UBA2: variants seen among roughly 807,000 people sequenced by gnomAD.
UBA2 encodes ubiquitin like modifier activating enzyme 2, also known as SUMO-activating enzyme subunit 2.
In UBA2, 11 loss-of-function variants were observed where a neutral mutation model predicts 77.2. The ratio of observed to expected loss-of-function variants is 0.14; its 90% CI spans 0.09 to 0.24. The LOEUF (loss-of-function observed/expected upper bound fraction) is 0.24. UBA2 is among the 10% of genes least tolerant of loss of function. The probability of loss-of-function intolerance (pLI) is 1.00; values close to 1 mark genes in which losing one functional copy is unlikely to be tolerated. For synonymous variants in UBA2, 278 were observed against 276.7 expected, an observed-to-expected ratio of 1.00 and a Z score of -0.05; for missense variants, 487 against 781.7, an observed-to-expected ratio of 0.62 and a Z score of 4.50.
intron 10 of UBA2, 73 bp from the exon 11 acceptor site, chr19:34,454,187 A>T: frequency 7.8e-7 from 1 of 1,286,976 alleles, no homozygotes; most frequent in Admixed American, 2.0e-5. Context: ...ACGTGAAAGT[A>T]TTGTTCTGAA....
At chr19:34,443,763 TA>T in intron 6 of UBA2, 80 bp from the exon 7 acceptor site, 1 of 1,005,624 alleles carries the variant, frequency 9.9e-7, no homozygotes, top group South Asian at 1.3e-5. Flanking sequence ...TTATCTCTGC[TA>T]AATATTTGGA....
intron 5 of UBA2, among the ~76,000 whole-genome samples, chr19:34,436,589 A>G (rs568323273): frequency 2.0e-5 from 3 of 152,290 alleles, no homozygotes; most frequent in East Asian, 3.9e-4. Context: ...GTGAGCCGCC[A>G]TGCCTGGCAC....
chr19:34,451,506 T>G (rs2145538203), intron 9 of UBA2, among the ~76,000 whole-genome samples: 1 of 151,214 alleles, frequency 6.6e-6, no homozygotes, highest in Non-Finnish European at 1.5e-5. Flanking sequence ...ACTGAGGTGG[T>G]CTTGTACCTT....
At chr19:34,452,929 A>T (rs1235212711) in intron 10 of UBA2, among the ~76,000 whole-genome samples, 2 of 152,184 alleles carry the variant, frequency 1.3e-5, no homozygotes, top group Non-Finnish European at 2.9e-5. Flanking sequence ...GGGTTTTGTG[A>T]TATTTAAAGG....
At chr19:34,434,389 T>TA (rs1213524781) in intron 4 of UBA2, among the ~76,000 whole-genome samples, 1 of 152,212 alleles carries the variant, frequency 6.6e-6, no homozygotes, top group African/African-American at 2.4e-5. Flanking sequence ...ATGCTGAGAT[T>TA]ATGGGCATGA....
In UBA2 at chr19:34,469,084, G is replaced by A; in HGVS notation, c.1786G>A (p.Asp596Asn). ...TCTCATAGTTGATTCAGATGAAGAAGATTCTTCAAATAATGCCGACGTCAG... is the reference window on the plus strand; with the variant it reads ...TCTCATAGTTGATTCAGATGAAGAAAATTCTTCAAATAATGCCGACGTCAG... ...DVLIVDSDEE[D>N]SSNNADVSEE... The change falls in exon 17 of 17, where the codon GAT (aspartate) becomes AAT (asparagine). Residue 596 changes from aspartate to asparagine, a missense_variant. Asp to Asn is a conservative substitution (Grantham distance 23, BLOSUM62 1). Transcript: ENST00000246548. The A allele has an allele frequency of 6.2e-7, 1 of 1,610,938 alleles. No homozygotes were observed. Among genetic ancestry groups the A allele is most frequent in the African/African-American group, 1.3e-5 (1 of 74,786 alleles).
Position 34,444,991 on chromosome 19 carries a change from G to A in UBA2, c.650-9G>A, listed in dbSNP as rs745544916. ...TACGGTTGAAAATAAAATAATGATC[G>A]TTTTATAGGGGAACCAACGGAAGCC... On this transcript the variant is annotated splice_polypyrimidine_tract_variant and intron_variant, in intron 7 of 16. Transcript: ENST00000246548. The A allele has an allele frequency of 1.6e-5, 25 of 1,607,570 alleles. No homozygotes were observed. The highest frequency in any genetic ancestry group is 2.7e-5 in the African/African-American group (2 of 74,636).
Position 34,435,244 on chromosome 19 carries a change from A to G in UBA2, c.459+276A>G, listed in dbSNP as rs565234089. 2.0e-5 allele frequency among the ~76,000 whole-genome samples: 3 copies of G among 152,232 alleles called. No homozygotes were observed. In the South Asian group the frequency reaches 6.2e-4, roughly 32 times the overall value. On this transcript the variant is annotated intron_variant, in intron 5 of 16. Transcript: ENST00000246548. ...GAAACCCCATCTCTACTAAAAATAC[A>G]AAAATTAGCTGGACATGGTGGCCGG...
chr19:34,431,167 C>T (rs2075249036), intron 2 of UBA2, among the ~76,000 whole-genome samples: 2 of 151,670 alleles, frequency 1.3e-5, no homozygotes, highest in South Asian at 2.1e-4. Context: ...GAGTACTTTC[C>T]TAAACCTTTT....
In UBA2 at chr19:34,431,905, C is replaced by T. The variant is rs1287083801; in HGVS notation, c.267C>T (p.Ile89=). 3.7e-6 allele frequency: 6 copies of T among 1,613,746 alleles called. No individual in the cohort carries two copies. Among genetic ancestry groups the T allele is most frequent in the Admixed American group, 3.3e-5 (2 of 59,994 alleles). ...TGCAGTTTTACCCGAAAGCTAATAT[C>T]GTTGCCTACCATGACAGCATCATGA... ...SVLQFYPKAN[I]VAYHDSIMNP... Residue 89 remains isoleucine (I), a synonymous_variant, in exon 3 of 17, where the codon ATC becomes ATT. Transcript: ENST00000246548.
intron 3 of UBA2, 158 bp from the exon 4 acceptor site, chr19:34,433,190 T>C (rs1338496581): frequency 9.2e-6 from 5 of 543,024 alleles, no homozygotes; most frequent in East Asian, 3.1e-5. Context: ...AATCTGCTTA[T>C]GTTTGGAAAG....
chr19:34,456,095 C>CTTT (rs1393766434), intron 12 of UBA2, among the ~76,000 whole-genome samples: 1 of 69,624 alleles, frequency 1.4e-5, no homozygotes, highest in Non-Finnish European at 2.6e-5. Flanking sequence ...TCTTTTTTTC[C>CTTT]TTTTCTTTTT....
At chr19:34,445,150 A>T (rs2075414289) in intron 8 of UBA2, 29 bp downstream of exon 8, 1 of 1,598,616 alleles carries the variant, frequency 6.3e-7, no homozygotes, top group Non-Finnish European at 8.5e-7. Flanking sequence ...ATAATCATGG[A>T]TAGATGTATT....
intron 9 of UBA2, 42 bp downstream of exon 9, chr19:34,450,406 T>C: frequency 2.1e-6 from 3 of 1,400,118 alleles, no homozygotes; most frequent in Non-Finnish European, 3.0e-6. Context: ...AAGCTGGAAA[T>C]ATCCTCGCGT....
chr19:34,460,511 A>G lies in UBA2; in HGVS notation c.1443A>G (p.Gln481=). ...EKFAMVAPDV[Q]IEDGKGTILI... The stretch of plus-strand genomic sequence containing the variant: ...TTGCTATGGTAGCACCAGATGTCCA[A>G]ATTGAAGATGGGAAAGGAACAATCC... The change falls in exon 14 of 17, where the codon CAA becomes CAG. Residue 481 remains glutamine (Q), a synonymous_variant. Coordinates refer to ENST00000246548, the MANE Select transcript of UBA2 (RefSeq NM_005499.3). 6.2e-7 allele frequency: 1 copy of G among 1,611,726 alleles called. No homozygotes were observed. Among genetic ancestry groups the G allele is most frequent in the Non-Finnish European group, 8.5e-7 (1 of 1,179,062 alleles).
intron 14 of UBA2, among the ~76,000 whole-genome samples, chr19:34,461,416 ATGTGTAATTGGAGGCCATG>A (rs2075630116): frequency 6.6e-6 from 1 of 152,170 alleles, no homozygotes; most frequent in African/African-American, 2.4e-5. Flanking sequence ...CTATTAGGTC[ATGTGTAATTGGAGGCCATG>A]TTTTGGCTGT....
chr19:34,436,431 C>T (rs1232382176), intron 5 of UBA2, among the ~76,000 whole-genome samples: 1 of 152,142 alleles, frequency 6.6e-6, no homozygotes, highest in Non-Finnish European at 1.5e-5. Context: ...TCCCGAGTAG[C>T]TGGGATTACA....
chr19:34,465,660 A>G (rs1377569410), intron 15 of UBA2, among the ~76,000 whole-genome samples: 1 of 147,982 alleles, frequency 6.8e-6, no homozygotes, highest in Non-Finnish European at 1.5e-5. Flanking sequence ...AAATGACAGG[A>G]AGGACTGAAT....
chr19:34,435,351 T>C (rs2075297478), intron 5 of UBA2, among the ~76,000 whole-genome samples: 1 of 152,082 alleles, frequency 6.6e-6, no homozygotes, highest in Non-Finnish European at 1.5e-5. Context: ...TAAGCTGAGA[T>C]TGCACCACTG....
Sources: allele counts gnomAD v4.1 joint callset (sites outside exome capture counted in the v4.1 genomes callset), GRCh38; gene constraint gnomAD v4.1.1; transcripts MANE v1.5; gene names NCBI Gene and HGNC (gene_info 2026-07-23, HGNC 2026-07-21).